CLCN6: variants seen among roughly 807,000 people sequenced by gnomAD.
The protein encoded by CLCN6 is H(+)/Cl(-) exchange transporter 6.
A neutral mutation model predicts 109.8 loss-of-function variants in CLCN6; 70 were observed. The ratio of observed to expected loss-of-function variants is 0.64; its 90% confidence interval spans 0.53 to 0.78. The LOEUF (loss-of-function observed/expected upper bound fraction) is 0.78, where lower values mean the gene tolerates loss of function less well. Ranked by LOEUF, CLCN6 falls within the 30% of genes least tolerant of loss-of-function variation. The probability of loss-of-function intolerance (pLI) is 0.00; values close to 1 mark genes in which losing one functional copy is unlikely to be tolerated. For missense variants in CLCN6, 984 were observed against 1,142.3 expected (o/e 0.86, Z 2.00); for synonymous variants, 444 against 447.8 (o/e 0.99, Z 0.11).
intron 9 of CLCN6, among the ~76,000 whole-genome samples, chr1:11,826,871 G>C (rs1644817991): frequency 2.0e-5 from 3 of 152,168 alleles, no homozygotes; most frequent in African/African-American, 7.2e-5. Context: ...TTCCCAGGCA[G>C]AGTAGCCGCC....
chr1:11,837,671 G>A (rs1215523317), intron 20 of CLCN6, among the ~76,000 whole-genome samples, 172 bp downstream of exon 20: 3 of 152,112 alleles, frequency 2.0e-5, no homozygotes, highest in Non-Finnish European at 2.9e-5. Flanking sequence ...AAGCAACAGC[G>A]GTTTATTCCT....
intron 1 of CLCN6, 129 bp from the exon 2 acceptor site, chr1:11,807,002 G>C: frequency 1.3e-6 from 1 of 787,654 alleles, no homozygotes; most frequent in Non-Finnish European, 2.1e-6. Flanking sequence ...GGTTTTTTTT[G>C]AGGGCTGGTT....
Position 11,826,230 on chromosome 1 carries a change from A to G in CLCN6, c.707+16A>G. On this transcript the variant is annotated intron_variant, in intron 9 of 22. Transcript: ENST00000346436. ...GAAGCGACAGGTATGGAAAGGTTAG[A>G]AATTGGTTTCTTTTTTGGAAACAAC... 1 of 1,609,856 alleles carries G rather than the reference A, an allele frequency of 6.2e-7. No individual in the cohort carries two copies. Among genetic ancestry groups the G allele is most frequent in the Non-Finnish European group, 8.5e-7 (1 of 1,176,090 alleles).
chr1:11,819,879 G>A (rs1644719598), intron 5 of CLCN6, among the ~76,000 whole-genome samples: 1 of 152,164 alleles, frequency 6.6e-6, no homozygotes, highest in South Asian at 2.1e-4. Context: ...GTGTAGAAGA[G>A]TAAAGGGCCA....
At chr1:11,832,981 A>G (rs1644899234) in intron 13 of CLCN6, among the ~76,000 whole-genome samples, 2 of 146,870 alleles carry the variant, frequency 1.4e-5, no homozygotes, top group South Asian at 4.2e-4. Flanking sequence ...CTCTCCAGGC[A>G]TTATGGAGGT....
chr1:11,813,179 A>G (rs1051439278), intron 2 of CLCN6, among the ~76,000 whole-genome samples: 1 of 152,108 alleles, frequency 6.6e-6, no homozygotes, highest in Non-Finnish European at 1.5e-5. Flanking sequence ...CCCCTGTGCA[A>G]TGCATGTTAA....
At chr1:11,810,349 G>A (rs1355501581) in intron 2 of CLCN6, among the ~76,000 whole-genome samples, 1 of 152,180 alleles carries the variant, frequency 6.6e-6, no homozygotes, top group East Asian at 1.9e-4. Context: ...TTTTCATGCA[G>A]GTCACACAGT....
intron 22 of CLCN6, 70 bp downstream of exon 22, chr1:11,838,730 C>T (rs755454276): frequency 6.2e-7 from 1 of 1,606,812 alleles, no homozygotes; most frequent in African/African-American, 1.3e-5. Context: ...TTTGTGCACC[C>T]AGGCTTCTCA....
At chr1:11,812,654 CAAAG>C (rs1644614253) in intron 2 of CLCN6, among the ~76,000 whole-genome samples, 1 of 132,062 alleles carries the variant, frequency 7.6e-6, no homozygotes, top group South Asian at 2.5e-4. Flanking sequence ...AAAAAAAAGA[CAAAG>C]TATGTTTGTG....
intron 2 of CLCN6, among the ~76,000 whole-genome samples, chr1:11,810,124 TAGTC>T (rs1271723528): frequency 5.3e-5 from 8 of 152,350 alleles, no homozygotes; most frequent in South Asian, 2.1e-4. Flanking sequence ...TCTACCTTGA[TAGTC>T]AGTCAACTAG....
chr1:11,834,675 A>G lies in CLCN6; in HGVS notation c.1793+85A>G. Reference sequence around the variant, plus strand: ...GAATGTTGTTATTAGGGTAGGAAACAGTAACTCACTTTTCTTGGGCTGAAA... The same window carrying G: ...GAATGTTGTTATTAGGGTAGGAAACGGTAACTCACTTTTCTTGGGCTGAAA... On this transcript the variant is annotated intron_variant, in intron 17 of 22. Coordinates refer to ENST00000346436, the MANE Select transcript of CLCN6 (RefSeq NM_001286.5). The surrounding 1 kb of genome is among the most constrained non-coding windows in gnomAD (Gnocchi z 4.5). 1.8e-6 allele frequency: 2 copies of G among 1,137,624 alleles called. No individual in the cohort carries two copies. The highest frequency in any genetic ancestry group is 2.6e-6 in the Non-Finnish European group (2 of 768,690). 70.5% of individuals were successfully genotyped at this position (1,137,624 alleles called of 1,614,324 possible).
chr1:11,836,940 A>G (rs1347257460), intron 18 of CLCN6, 59 bp from the exon 19 acceptor site: 4 of 1,587,114 alleles, frequency 2.5e-6, no homozygotes, highest in South Asian at 2.2e-5. Context: ...CTTAAGCTCC[A>G]TCAGTACTGC....
chr1:11,831,280 C>T (rs535052430), intron 13 of CLCN6, among the ~76,000 whole-genome samples: 31 of 152,164 alleles, frequency 2.0e-4, no homozygotes, highest in African/African-American at 7.5e-4. Context: ...CCTCAGCCTC[C>T]CAAGTAGCTG....
rs190702907 is a variant in CLCN6, at chr1:11,823,771, G to T, written c.518G>T (p.Gly173Val). The change falls in exon 7 of 23, where the codon GGA becomes GTA. Residue 173 changes from glycine (G) to valine (V), a missense_variant. Gly to Val is a moderately radical substitution (Grantham distance 109). Transcript: ENST00000346436. ...KCYLNGVKVPGIVRLRTLLCK... is the reference protein window; with the variant it reads ...KCYLNGVKVPVIVRLRTLLCK... The stretch of plus-strand genomic sequence containing the variant: ...TATCTGAATGGCGTAAAGGTGCCAG[G>T]AATCGTCCGTCTCCGGACCCTGCTC... 1 of 1,614,280 alleles carries T rather than the reference G, an allele frequency of 6.2e-7. No individual in the cohort carries two copies. The highest frequency in any genetic ancestry group is 2.2e-5 in the East Asian group (1 of 44,890).
At chr1:11,806,432 A>G (rs1408141991) in intron 1 of CLCN6, 83 bp downstream of exon 1, 10 of 1,297,440 alleles carry the variant, frequency 7.7e-6, no homozygotes, top group Non-Finnish European at 7.1e-6. Flanking sequence ...GGGCCGGGCC[A>G]ATCTGGGCCC....
At chr1:11,810,552 G>A (rs1644585263) in intron 2 of CLCN6, among the ~76,000 whole-genome samples, 1 of 152,124 alleles carries the variant, frequency 6.6e-6, no homozygotes, top group Non-Finnish European at 1.5e-5. Flanking sequence ...TCCCGGCCAG[G>A]TGCCATTTTG....
chr1:11,828,716 T>C, intron 12 of CLCN6, 92 bp downstream of exon 12: 1 of 1,321,980 alleles, frequency 7.6e-7, no homozygotes, highest in East Asian at 2.3e-5. Flanking sequence ...GGACCCTGCC[T>C]CCACGGCTTT....
At chr1:11,825,952 T>A (rs1644805642) in intron 8 of CLCN6, among the ~76,000 whole-genome samples, 1 of 152,194 alleles carries the variant, frequency 6.6e-6, no homozygotes, top group Non-Finnish European at 1.5e-5. Flanking sequence ...CCCAAGTTGC[T>A]GTTCTGGACT....
rs1394334280 is a variant in CLCN6 at position 11,840,201 on chromosome 1, G to A, written c.2588G>A (p.Arg863Lys). The change falls in exon 23 of 23, where the codon AGG becomes AAG. Residue 863 changes from arginine (R) to lysine (K), a missense_variant. Physicochemically the swap from Arg to Lys is conservative, Grantham distance 26 (BLOSUM62 2). Transcript: ENST00000346436. The part of the protein sequence containing the change: ...LTYEFLQARL[R>K]QHYQTI ...TATGAATTTCTGCAGGCCCGGCTGA[G>A]GCAGCACTACCAGACCATCTGACAG... 1 of 1,613,408 alleles carries A rather than the reference G, an allele frequency of 6.2e-7. No individual in the cohort carries two copies. Among genetic ancestry groups the A allele is most frequent in the Non-Finnish European group, 8.5e-7 (1 of 1,180,034 alleles).
Sources: allele counts gnomAD v4.1 joint callset (sites outside exome capture counted in the v4.1 genomes callset), GRCh38; gene constraint gnomAD v4.1.1; non-coding constraint Gnocchi (gnomAD v3.1); transcripts MANE v1.5; gene names NCBI Gene and HGNC (gene_info 2026-07-23, HGNC 2026-07-21).